SEMA6A: variants seen among roughly 807,000 people sequenced by gnomAD.
SEMA6A encodes semaphorin 6A, also known as semaphorin-6A.
SEMA6A carries 25 observed loss-of-function variants against 96.8 expected under a neutral mutation model. The ratio of observed to expected loss-of-function variants is 0.26; its 90% confidence interval spans 0.19 to 0.36. The LOEUF is 0.36. SEMA6A is among the 10% of genes least tolerant of loss of function. The probability of loss-of-function intolerance (pLI) is 1.00; values close to 1 mark genes in which losing one functional copy is unlikely to be tolerated. For missense variants in SEMA6A, 1,363 were observed against 1,323.1 expected (o/e 1.03, Z -0.47); for synonymous variants, 612 against 518.0 (o/e 1.18, Z -2.46).
intron 17 of SEMA6A, among the ~76,000 whole-genome samples, chr5:116,471,895 C>G (rs1756167559): frequency 6.6e-6 from 1 of 152,074 alleles, no homozygotes; most frequent in African/African-American, 2.4e-5. Context: ...CTTTTCCTTC[C>G]CCTTTGTTTC....
chr5:116,568,955 G>C (rs546998048), intron 1 of SEMA6A, among the ~76,000 whole-genome samples: 2 of 152,118 alleles, frequency 1.3e-5, no homozygotes, highest in South Asian at 4.1e-4. Flanking sequence ...ATAAAGACTA[G>C]TTGTTTGCAA....
chr5:116,516,810 T>TTA (rs1266790214), intron 1 of SEMA6A, among the ~76,000 whole-genome samples: 19 of 152,132 alleles, frequency 1.2e-4, no homozygotes, highest in African/African-American at 4.6e-4. Flanking sequence ...TTCTACGAAA[T>TTA]TATAGGTTTG....
Position 116,467,638 on chromosome 5 carries a change from A to G in SEMA6A, c.1839T>C (p.Pro613=), listed in dbSNP as rs1256959614. Residue 613 remains proline, a synonymous_variant, in exon 18 of 19, where the codon CCT becomes CCC. Transcript: ENST00000343348. Reference sequence around the variant, plus strand: ...CTGCCCCCAAAGGGTCTGTGCTGTCAGGTGAGTCAAGCAGATGCTTCCAGT... The same window carrying G: ...CTGCCCCCAAAGGGTCTGTGCTGTCGGGTGAGTCAAGCAGATGCTTCCAGT... The part of the protein sequence containing the change: ...MLDWKHLLDS[P]DSTDPLGAVS... 19 of 1,613,662 alleles carry G rather than the reference A, an allele frequency of 1.2e-5. No homozygotes were observed. Among genetic ancestry groups the G allele is most frequent in the Admixed American group, 1.7e-5 (1 of 59,968 alleles).
chr5:116,518,011 A>G (rs77989040), intron 1 of SEMA6A, among the ~76,000 whole-genome samples: 2,027 of 152,334 alleles, frequency 0.013, 22 homozygotes, highest in Non-Finnish European at 0.019. Context: ...AACTGGCAGT[A>G]TCTGCCCTCT....
intron 1 of SEMA6A, among the ~76,000 whole-genome samples, chr5:116,525,366 A>C (rs543166659): frequency 4.9e-4 from 75 of 152,256 alleles, no homozygotes; most frequent in African/African-American, 1.8e-3. Flanking sequence ...TAGGATAAAG[A>C]GCTCCTGGCC....
intron 1 of SEMA6A, among the ~76,000 whole-genome samples, chr5:116,507,186 A>G (rs886990736): frequency 2.6e-5 from 4 of 152,180 alleles, no homozygotes; most frequent in Non-Finnish European, 4.4e-5. Context: ...ATGTCTTTCT[A>G]TCATTATATC....
chr5:116,536,866 T>TAAAAAAAAAAAAAAAAAAAAAAAAAAA (rs72214884), intron 1 of SEMA6A, among the ~76,000 whole-genome samples: 3 of 69,520 alleles, frequency 4.3e-5, no homozygotes, highest in African/African-American at 4.8e-5. Flanking sequence ...TGTGATTTCT[T>TAAAAAAAAAAAAAAAAAAAAAAAAAAA]AAAAAAAAAA....
chr5:116,557,395 A>T (rs963456258), intron 1 of SEMA6A, among the ~76,000 whole-genome samples: 1 of 152,192 alleles, frequency 6.6e-6, no homozygotes, highest in Non-Finnish European at 1.5e-5. Flanking sequence ...TATTTTTAGT[A>T]GAGACGGGGT....
intron 1 of SEMA6A, among the ~76,000 whole-genome samples, chr5:116,571,594 G>C (rs1436986521): frequency 6.6e-6 from 1 of 152,082 alleles, no homozygotes; most frequent in African/African-American, 2.4e-5. Context: ...AGGGAGTAAG[G>C]GTTACTCAAG....
chr5:116,467,883 G>GTGGTGTCA (rs1755869343), intron 17 of SEMA6A, 136 bp from the exon 18 acceptor site: 3 of 165,152 alleles, frequency 1.8e-5, no homozygotes, highest in Non-Finnish European at 2.7e-5. Context: ...ACACGGCTTA[G>GTGGTGTCA]TGGTGGTGGT....
At chr5:116,521,606 C>A (rs766135309) in intron 1 of SEMA6A, among the ~76,000 whole-genome samples, 1 of 152,030 alleles carries the variant, frequency 6.6e-6, no homozygotes, top group Admixed American at 6.5e-5. Flanking sequence ...TCTTCAATGG[C>A]CAGTTGGGGG....
At chr5:116,466,977 A>C (rs1039814272) in intron 18 of SEMA6A, among the ~76,000 whole-genome samples, 2 of 152,204 alleles carry the variant, frequency 1.3e-5, no homozygotes, top group African/African-American at 4.8e-5. Context: ...AGTCCCTTTC[A>C]TTTAGTGTGG....
intron 11 of SEMA6A, among the ~76,000 whole-genome samples, chr5:116,481,859 A>T (rs988780409): frequency 2.0e-5 from 3 of 152,130 alleles, no homozygotes; most frequent in African/African-American, 7.2e-5. Flanking sequence ...ATTCTAAGCC[A>T]TGATTTGGGG....
chr5:116,467,213 C>T (rs1029099838), intron 18 of SEMA6A, among the ~76,000 whole-genome samples: 2 of 152,076 alleles, frequency 1.3e-5, no homozygotes. Context: ...ATTCACTTGC[C>T]AAAGCCCGAA....
intron 10 of SEMA6A, among the ~76,000 whole-genome samples, chr5:116,485,778 C>T (rs535860889): frequency 1.8e-4 from 28 of 152,302 alleles, no homozygotes; most frequent in African/African-American, 6.7e-4. Flanking sequence ...ACCCAAAATT[C>T]TGCACAGAAA....
chr5:116,527,544 G>T (rs1580477150), intron 1 of SEMA6A, among the ~76,000 whole-genome samples: 1 of 152,160 alleles, frequency 6.6e-6, no homozygotes, highest in Non-Finnish European at 1.5e-5. Context: ...GGAGGTTGAG[G>T]AAGAAATTCT....
At chr5:116,524,479 T>C (rs905367980) in intron 1 of SEMA6A, among the ~76,000 whole-genome samples, 2 of 152,170 alleles carry the variant, frequency 1.3e-5, no homozygotes, top group African/African-American at 4.8e-5. Context: ...TCTGACCATA[T>C]CCAGTTCATA....
At chr5:116,472,860 A>C (rs781679530) in intron 17 of SEMA6A, 1 of 1,478,796 alleles carries the variant, frequency 6.8e-7, no homozygotes, top group East Asian at 2.5e-5. Flanking sequence ...GAATTTAAAA[A>C]AAAAAAAAAA....
intron 1 of SEMA6A, among the ~76,000 whole-genome samples, chr5:116,538,457 A>C (rs1334550278): frequency 1.3e-5 from 2 of 152,184 alleles, no homozygotes; most frequent in Admixed American, 6.5e-5. Flanking sequence ...TGACAGACTC[A>C]CGTGGAGCCA....
Sources: allele counts gnomAD v4.1 joint callset (sites outside exome capture counted in the v4.1 genomes callset), GRCh38; gene constraint gnomAD v4.1.1; transcripts MANE v1.5; gene names NCBI Gene and HGNC (gene_info 2026-07-23, HGNC 2026-07-21).